Variants in ZNF678 observed in about 807,000 individuals in gnomAD.
ZNF678 encodes the protein zinc finger protein 678.
ZNF678 carries 5 observed loss-of-function variants against 3.0 expected under a neutral mutation model. That is an observed-to-expected ratio of 1.69 (90% CI 0.88 to 3.56). ZNF678 has a LOEUF of 3.56. ZNF678 is among the 30% of genes most tolerant of loss of function. The probability of loss-of-function intolerance (pLI) is 0.00; values close to 1 mark genes in which losing one functional copy is unlikely to be tolerated. For missense variants in ZNF678, 593 were observed against 605.0 expected (o/e 0.98, Z 0.21); for synonymous variants, 218 against 199.6 (o/e 1.09, Z -0.78).
chr1:227,669,489 C>A (rs891818965), intron 5 of ZNF678, among the ~76,000 whole-genome samples: 1 of 145,834 alleles, frequency 6.9e-6, no homozygotes, highest in Non-Finnish European at 1.5e-5. Context: ...ATATATATAT[C>A]TAAAAAAAAA....
chr1:227,631,369 A>T (rs1162458149), intron 1 of ZNF678, among the ~76,000 whole-genome samples: 1 of 152,086 alleles, frequency 6.6e-6, no homozygotes, highest in East Asian at 1.9e-4. Flanking sequence ...GATTCTAGTG[A>T]TCCTTTACCA....
At chr1:227,570,014 T>C (rs931518010) in intron 1 of ZNF678, among the ~76,000 whole-genome samples, 3 of 152,236 alleles carry the variant, frequency 2.0e-5, no homozygotes, top group Non-Finnish European at 4.4e-5. Context: ...ACAAAGTTGC[T>C]GCCAAATCTG....
At chr1:227,647,463 TCCAGA>T (rs1224988094) in intron 2 of ZNF678, among the ~76,000 whole-genome samples, 1 of 152,128 alleles carries the variant, frequency 6.6e-6, no homozygotes, top group East Asian at 1.9e-4. Context: ...CTGTGTCTAA[TCCAGA>T]CCTGATCACC....
intron 5 of ZNF678, among the ~76,000 whole-genome samples, chr1:227,669,140 A>G (rs190104630): frequency 2.6e-5 from 4 of 152,220 alleles, no homozygotes; most frequent in Admixed American, 2.6e-4. Context: ...AACCTACACA[A>G]TGGGAAAAAA....
chr1:227,605,971 A>C (rs1657857653), intron 1 of ZNF678, among the ~76,000 whole-genome samples: 2 of 152,264 alleles, frequency 1.3e-5, no homozygotes, highest in Admixed American at 6.5e-5. Flanking sequence ...GTCAAGGTGT[A>C]TAACTCTTTT....
intron 1 of ZNF678, among the ~76,000 whole-genome samples, chr1:227,616,362 G>A (rs138006213): frequency 2.7e-4 from 41 of 152,302 alleles, no homozygotes; most frequent in African/African-American, 6.3e-4. Flanking sequence ...GGGTGACTCC[G>A]CAGGTGCTGG....
chr1:227,569,647 TCTG>T (rs967007447), intron 1 of ZNF678, among the ~76,000 whole-genome samples: 3 of 151,812 alleles, frequency 2.0e-5, no homozygotes, highest in South Asian at 2.1e-4. Context: ...AATTGTATAT[TCTG>T]CTACTTTACT....
intron 1 of ZNF678, among the ~76,000 whole-genome samples, chr1:227,567,828 A>G (rs1656734936): frequency 1.3e-5 from 2 of 152,004 alleles, no homozygotes; most frequent in Admixed American, 6.6e-5. Context: ...TGTGCAGGTT[A>G]GTTACATATG....
intron 1 of ZNF678, among the ~76,000 whole-genome samples, chr1:227,639,064 G>T (rs1658751176): frequency 6.6e-6 from 1 of 152,178 alleles, no homozygotes; most frequent in African/African-American, 2.4e-5. Context: ...TGAGGTTTTG[G>T]CCTGCTCGGG....
chr1:227,565,531 T>C (rs1051238211), intron 1 of ZNF678, among the ~76,000 whole-genome samples: 1 of 106,080 alleles, frequency 9.4e-6, no homozygotes, highest in African/African-American at 2.8e-5. Context: ...TAATTCTTTT[T>C]ATTTTATTTT....
At chr1:227,602,039 C>T (rs1439192257) in intron 1 of ZNF678, among the ~76,000 whole-genome samples, 2 of 152,186 alleles carry the variant, frequency 1.3e-5, no homozygotes, top group South Asian at 2.1e-4. Flanking sequence ...TTCCTCTCTT[C>T]TTACTTGGAT....
chr1:227,577,411 G>T (rs1657013741), intron 1 of ZNF678, among the ~76,000 whole-genome samples: 4 of 152,210 alleles, frequency 2.6e-5, no homozygotes, highest in Admixed American at 2.6e-4. Context: ...TTATGAATCT[G>T]TGTGCTTCTG....
At chr1:227,625,164 G>A (rs1368641919) in intron 1 of ZNF678, among the ~76,000 whole-genome samples, 6 of 152,156 alleles carry the variant, frequency 3.9e-5, no homozygotes, top group Non-Finnish European at 7.4e-5. Flanking sequence ...CTAATTGGTT[G>A]GGTGTGAGCT....
chr1:227,593,955 T>C lies in ZNF678; in HGVS notation c.-164+30231T>C, dbSNP rs529675204. Among the ~76,000 whole-genome samples, 22 of 151,604 alleles carry C rather than the reference T, an allele frequency of 1.5e-4. 1 individual carries two copies. The highest frequency in any genetic ancestry group is 5.3e-4 in the African/African-American group (22 of 41,348). On this transcript the variant is annotated intron_variant, in intron 1 of 3. Coordinates refer to ENST00000343776, the MANE Select transcript of ZNF678 (RefSeq NM_001367909.1). ...TCCAGGCTGGCTCAAGTTTTTCTTCTTTCCACCCTTTGATGAGAACGTGAT... is the reference window on the plus strand; with the variant it reads ...TCCAGGCTGGCTCAAGTTTTTCTTCCTTCCACCCTTTGATGAGAACGTGAT...
chr1:227,580,274 T>C (rs1273454395), intron 1 of ZNF678, among the ~76,000 whole-genome samples: 1 of 152,106 alleles, frequency 6.6e-6, no homozygotes, highest in Non-Finnish European at 1.5e-5. Context: ...AGTCCCTCTG[T>C]GAGAGCTGTT....
intron 1 of ZNF678, among the ~76,000 whole-genome samples, chr1:227,583,155 A>G (rs1168538771): frequency 2.0e-5 from 3 of 152,044 alleles, no homozygotes; most frequent in Non-Finnish European, 4.4e-5. Context: ...ATTATTTCTA[A>G]GTTCTATTGG....
chr1:227,623,813 G>A (rs6683151), intron 1 of ZNF678, among the ~76,000 whole-genome samples: 73,071 of 151,936 alleles, frequency 0.48, 18,729 homozygotes, highest in African/African-American at 0.67. Context: ...TTTATTCTCC[G>A]TGGAAATGAA....
At chr1:227,596,198 G>A (rs1198874726) in intron 1 of ZNF678, among the ~76,000 whole-genome samples, 1 of 152,206 alleles carries the variant, frequency 6.6e-6, no homozygotes, top group Admixed American at 6.5e-5. Flanking sequence ...CCACAGGGCA[G>A]GCTTAAGCTG....
intron 1 of ZNF678, among the ~76,000 whole-genome samples, chr1:227,567,721 T>C (rs992265681): frequency 6.6e-6 from 1 of 152,108 alleles, no homozygotes; most frequent in Non-Finnish European, 1.5e-5. Flanking sequence ...TTTTTTTATT[T>C]TTTTTCCTCC....
Sources: allele counts gnomAD v4.1 joint callset (sites outside exome capture counted in the v4.1 genomes callset), GRCh38; gene constraint gnomAD v4.1.1; transcripts MANE v1.5; gene names NCBI Gene and HGNC (gene_info 2026-07-23, HGNC 2026-07-21).